Variants in TUSC3 observed in about 807,000 individuals in gnomAD.
TUSC3 encodes dolichyl-diphosphooligosaccharide--protein glycosyltransferase subunit TUSC3.
In TUSC3, 45 loss-of-function variants were observed where a neutral mutation model predicts 44.8. The observed-to-expected ratio is 1.00, with a 90% CI of 0.79 to 1.29. The LOEUF is 1.29. Among genes scored for constraint, TUSC3 ranks in the 50% most tolerant of loss-of-function variants. TUSC3 has a pLI of 0.00. For missense variants in TUSC3, 519 were observed against 437.9 expected (o/e 1.19, Z -1.65); for synonymous variants, 212 against 152.9 (o/e 1.39, Z -2.85).
At chr8:15,474,006 G>T (rs944626453) in intron 1 of TUSC3, among the ~76,000 whole-genome samples, 2 of 152,076 alleles carry the variant, frequency 1.3e-5, no homozygotes, top group Non-Finnish European at 2.9e-5. Context: ...CTTAAGACCG[G>T]CACTCCCAGA....
chr8:15,629,746 A>G (rs1044599120), intron 2 of TUSC3, among the ~76,000 whole-genome samples: 1 of 151,780 alleles, frequency 6.6e-6, no homozygotes, highest in Admixed American at 6.6e-5. Flanking sequence ...TAAAAAAAAA[A>G]AAAGCGAAAT....
chr8:15,502,138 G>T (rs921021983), intron 2 of TUSC3, among the ~76,000 whole-genome samples: 1 of 152,056 alleles, frequency 6.6e-6, no homozygotes, highest in African/African-American at 2.4e-5. Context: ...AAATTGTGTT[G>T]ACAGTGTAAA....
chr8:15,716,023 C>T (rs754810351), intron 6 of TUSC3, among the ~76,000 whole-genome samples: 1 of 151,962 alleles, frequency 6.6e-6, no homozygotes, highest in Non-Finnish European at 1.5e-5. Context: ...TTGGAGGCCA[C>T]GGCAGGCGGT....
chr8:15,506,497 A>G (rs1406983995), intron 2 of TUSC3, among the ~76,000 whole-genome samples: 1 of 152,214 alleles, frequency 6.6e-6, no homozygotes, highest in East Asian at 1.9e-4. Flanking sequence ...ATGAAGAAAT[A>G]CCAAGACTGG....
intron 6 of TUSC3, among the ~76,000 whole-genome samples, chr8:15,695,364 G>A (rs1809116289): frequency 6.6e-6 from 1 of 152,150 alleles, no homozygotes; most frequent in African/African-American, 2.4e-5. Context: ...ACTCTCTCTT[G>A]CCACCATCCA....
At chr8:15,728,997 A>T (rs779111745) in intron 6 of TUSC3, among the ~76,000 whole-genome samples, 1 of 151,978 alleles carries the variant, frequency 6.6e-6, no homozygotes, top group Non-Finnish European at 1.5e-5. Context: ...GGATTTGGTA[A>T]TGGGGGAGTC....
chr8:15,586,922 T>C (rs937253771), intron 1 of TUSC3, among the ~76,000 whole-genome samples: 2 of 152,192 alleles, frequency 1.3e-5, no homozygotes, highest in African/African-American at 4.8e-5. Context: ...TTGAAATTCT[T>C]AATTTTGTAA....
chr8:15,601,429 T>G (rs1170587227), intron 1 of TUSC3, among the ~76,000 whole-genome samples: 1 of 151,586 alleles, frequency 6.6e-6, no homozygotes, highest in Non-Finnish European at 1.5e-5. Context: ...GAACAAGAAA[T>G]AATTTATTAG....
intron 2 of TUSC3, among the ~76,000 whole-genome samples, chr8:15,645,473 TATCTC>T (rs1478777096): frequency 1.3e-5 from 2 of 152,270 alleles, no homozygotes; most frequent in African/African-American, 4.8e-5. Flanking sequence ...AGCTCACTAT[TATCTC>T]ATCCTCTGTA....
chr8:15,692,760 C>T (rs921542295), intron 6 of TUSC3, among the ~76,000 whole-genome samples: 3 of 151,470 alleles, frequency 2.0e-5, no homozygotes, highest in Admixed American at 2.0e-4. Flanking sequence ...AGTAGTCTAG[C>T]TAGTGGTCAA....
chr8:15,769,690 G>T (rs1812407977), downstream of TUSC3, among the ~76,000 whole-genome samples: 1 of 152,064 alleles, frequency 6.6e-6, no homozygotes, highest in Admixed American at 6.6e-5. Flanking sequence ...TCTGACAAAG[G>T]GCTAATAATC....
the TUSC3 span, among the ~76,000 whole-genome samples, chr8:15,850,513 C>T: frequency 4.4e-4 from 67 of 152,128 alleles, no homozygotes; most frequent in African/African-American, 1.5e-3. Context: ...TGTTTTGATT[C>T]GCTTCTCATA....
chr8:15,453,062 C>T (rs190649105), intron 1 of TUSC3, among the ~76,000 whole-genome samples: 4 of 152,110 alleles, frequency 2.6e-5, no homozygotes, highest in Admixed American at 1.3e-4. Context: ...TAGGATTAAA[C>T]GCAATATATA....
chr8:15,618,380 C>A (rs1308731448), intron 1 of TUSC3, among the ~76,000 whole-genome samples: 2 of 152,038 alleles, frequency 1.3e-5, no homozygotes, highest in African/African-American at 4.8e-5. Flanking sequence ...AAAATATTTT[C>A]TTTATATCCT....
chr8:15,565,637 C>G (rs184218079), intron 1 of TUSC3, among the ~76,000 whole-genome samples: 1 of 152,242 alleles, frequency 6.6e-6, no homozygotes, highest in East Asian at 1.9e-4. Flanking sequence ...TTCTTTTGTC[C>G]TTCCCCAGTG....
intron 6 of TUSC3, 69 bp downstream of exon 6, chr8:15,673,905 GTTTAGTA>G (rs1277796084): frequency 3.7e-6 from 5 of 1,337,806 alleles, no homozygotes; most frequent in African/African-American, 2.9e-5. Context: ...AAGAAATTAT[GTTTAGTA>G]TTTAGTAGGA....
intron 1 of TUSC3, among the ~76,000 whole-genome samples, chr8:15,598,587 G>GTCTGTGTGTCACCTAT (rs11275085): frequency 1.3e-5 from 2 of 151,318 alleles, no homozygotes; most frequent in Middle Eastern, 3.4e-3. Flanking sequence ...CCTAAAACTC[G>GTCTGTGTGTCACCTAT]TCATACTTCC....
the TUSC3 span, among the ~76,000 whole-genome samples, chr8:15,787,033 G>A: frequency 6.6e-6 from 1 of 150,494 alleles, no homozygotes; most frequent in African/African-American, 2.4e-5. Context: ...CTTTGGGTCT[G>A]TGGTTTGCTA....
chr8:15,421,736 G>A (rs1799740355), intron 1 of TUSC3, among the ~76,000 whole-genome samples: 1 of 152,148 alleles, frequency 6.6e-6, no homozygotes, highest in Non-Finnish European at 1.5e-5. Flanking sequence ...AGAGCTGAAA[G>A]AGAAAGAAAA....
Sources: allele counts gnomAD v4.1 joint callset (sites outside exome capture counted in the v4.1 genomes callset), GRCh38; gene constraint gnomAD v4.1.1; transcripts MANE v1.5; gene names NCBI Gene and HGNC (gene_info 2026-07-23, HGNC 2026-07-21).